ABLIM3: variants seen among roughly 807,000 people sequenced by gnomAD.
The protein encoded by ABLIM3 is actin binding LIM protein family member 3, also known as actin-binding LIM protein 3.
Under a neutral mutation model 109.5 loss-of-function variants are expected in ABLIM3, and 61 were observed. The observed-to-expected ratio is 0.56, with a 90% confidence interval of 0.45 to 0.69. The LOEUF is 0.69. ABLIM3 is among the 30% of genes least tolerant of loss of function. ABLIM3 has a pLI of 0.00. For missense variants in ABLIM3, 796 were observed against 889.5 expected (o/e 0.89, Z 1.34); for synonymous variants, 300 against 324.8 (o/e 0.92, Z 0.82).
At chr5:149,258,258 T>TC in intron 23 of ABLIM3, 33 bp from the exon 24 acceptor site, 6 of 1,595,290 alleles carry the variant, frequency 3.8e-6, no homozygotes, top group Non-Finnish European at 4.3e-6. Context: ...TCTTTCTCTG[T>TC]CCCCCCACCC....
chr5:149,164,513 A>G (rs1217316937), intron 2 of ABLIM3, among the ~76,000 whole-genome samples: 11 of 152,228 alleles, frequency 7.2e-5, no homozygotes, highest in Admixed American at 7.2e-4. Flanking sequence ...GATGAACATC[A>G]TCTAGGAACT....
chr5:149,214,444 C>G (rs1033068505), intron 7 of ABLIM3, among the ~76,000 whole-genome samples: 4 of 152,242 alleles, frequency 2.6e-5, no homozygotes, highest in Non-Finnish European at 5.9e-5. Flanking sequence ...AGCAAGCATT[C>G]TGGGACTGAC....
chr5:149,209,079 T>A (rs1759292727), intron 6 of ABLIM3, among the ~76,000 whole-genome samples: 2 of 152,096 alleles, frequency 1.3e-5, no homozygotes, highest in Non-Finnish European at 2.9e-5. Context: ...TGAGGTCACA[T>A]CACCGAGAGC....
intron 5 of ABLIM3, among the ~76,000 whole-genome samples, chr5:149,204,969 C>T (rs1275237522): frequency 6.6e-6 from 1 of 152,120 alleles, no homozygotes; most frequent in Non-Finnish European, 1.5e-5. Flanking sequence ...AAGGATACAG[C>T]TATGCAATAA....
In ABLIM3 at chr5:149,247,763, G is replaced by A. The variant is rs767438621; in HGVS notation, c.1552-19G>A. The A allele has an allele frequency of 4.3e-6, 7 of 1,614,048 alleles. No homozygotes were observed. In the Admixed American group the frequency reaches 1.2e-4, roughly 27 times the overall value. ...TTTGTTTTCCTTCTAACTTTATCTT[G>A]CTCTTCCCCGACCCTCAGCTCCAAA... On this transcript the variant is annotated intron_variant, in intron 17 of 23. Coordinates refer to ENST00000309868, the MANE Select transcript of ABLIM3 (RefSeq NM_014945.5).
chr5:149,165,333 A>G (rs896069304), intron 2 of ABLIM3, among the ~76,000 whole-genome samples: 1 of 152,198 alleles, frequency 6.6e-6, no homozygotes, highest in African/African-American at 2.4e-5. Context: ...CTGTCTTTGT[A>G]TATAAATTTT....
chr5:149,154,262 T>A (rs1753688504), intron 2 of ABLIM3, among the ~76,000 whole-genome samples: 1 of 152,230 alleles, frequency 6.6e-6, no homozygotes, highest in Non-Finnish European at 1.5e-5. Flanking sequence ...GGTGATAGTC[T>A]AAAGCAACCA....
Position 149,159,509 on chromosome 5 carries a change from C to G in ABLIM3, c.13+17401C>G, listed in dbSNP as rs1443413179. 2.0e-5 allele frequency among the ~76,000 whole-genome samples: 3 copies of G among 152,130 alleles called. No individual in the cohort carries two copies. In the East Asian group the frequency reaches 5.8e-4, roughly 29 times the overall value. Reference sequence around the variant, plus strand: ...TAAAATCTATATGTTTCATTAATTGCAAATCATGCCCAATTTAAACATATA... The same window carrying G: ...TAAAATCTATATGTTTCATTAATTGGAAATCATGCCCAATTTAAACATATA... On this transcript the variant is annotated intron_variant, in intron 2 of 23. Transcript: ENST00000309868.
At chr5:149,160,547 C>G (rs1754262206) in intron 2 of ABLIM3, among the ~76,000 whole-genome samples, 1 of 151,882 alleles carries the variant, frequency 6.6e-6, no homozygotes, top group South Asian at 2.1e-4. Flanking sequence ...GGTTTATAAA[C>G]TTTGTAACCT....
intron 6 of ABLIM3, 98 bp from the exon 7 acceptor site, chr5:149,210,628 C>A: frequency 1.0e-6 from 1 of 987,736 alleles, no homozygotes; most frequent in Non-Finnish European, 1.6e-6. Context: ...CGAACTTTGG[C>A]TCAGTCAACA....
chr5:149,162,597 C>T (rs73798006), intron 2 of ABLIM3, among the ~76,000 whole-genome samples: 143 of 152,296 alleles, frequency 9.4e-4, no homozygotes, highest in African/African-American at 3.2e-3. Flanking sequence ...GCAGGTGACT[C>T]ATTTTGGCCG....
intron 2 of ABLIM3, among the ~76,000 whole-genome samples, chr5:149,179,909 A>G (rs184326293): frequency 1.3e-5 from 2 of 152,352 alleles, no homozygotes; most frequent in East Asian, 3.9e-4. Context: ...TCATCTCAGA[A>G]CGTTCTAGTG....
intron 5 of ABLIM3, among the ~76,000 whole-genome samples, chr5:149,202,878 C>G (rs1758614615): frequency 6.6e-6 from 1 of 151,996 alleles, no homozygotes; most frequent in Admixed American, 6.6e-5. Flanking sequence ...CAATAATCAT[C>G]ATCATTGCAA....
intron 2 of ABLIM3, among the ~76,000 whole-genome samples, chr5:149,176,170 A>G: frequency 6.6e-6 from 1 of 152,140 alleles, no homozygotes. Context: ...CCCAGCACAC[A>G]CACCTGTCAG....
rs368544113 is a variant in ABLIM3 at position 149,227,412 on chromosome 5, C to T, written c.758-3237C>T. Among the ~76,000 whole-genome samples, 3 of 152,122 alleles carry T rather than the reference C, an allele frequency of 2.0e-5. No homozygotes were observed. The East Asian group carries it at 5.8e-4, about 29-fold the overall frequency. On this transcript the variant is annotated intron_variant, in intron 8 of 23. Coordinates refer to ENST00000309868, the MANE Select transcript of ABLIM3 (RefSeq NM_014945.5). ...GGACAGGAGGAAGTGACTCATGGAA[C>T]CAGGAGTTGAACAAGCAGAAAATGT...
intron 5 of ABLIM3, among the ~76,000 whole-genome samples, chr5:149,206,769 C>T (rs2127508641): frequency 6.6e-6 from 1 of 152,170 alleles, no homozygotes; most frequent in East Asian, 1.9e-4. Context: ...ACAATGTGGT[C>T]TTGATGACAA....
intron 2 of ABLIM3, among the ~76,000 whole-genome samples, chr5:149,159,573 C>T: frequency 6.6e-6 from 1 of 152,050 alleles, no homozygotes; most frequent in African/African-American, 2.4e-5. Flanking sequence ...GTGTATATAC[C>T]TATTCCCTTA....
At chr5:149,252,065 A>G (rs1012316441) in intron 21 of ABLIM3, 136 bp from the exon 22 acceptor site, 6 of 932,224 alleles carry the variant, frequency 6.4e-6, no homozygotes, top group African/African-American at 3.4e-5. Context: ...CAGCAAGGAC[A>G]AGGTCTCTGA....
In ABLIM3 at chr5:149,239,963, G is replaced by A. The variant is rs1361278150; in HGVS notation, c.1204+75G>A. On this transcript the variant is annotated intron_variant, in intron 13 of 23. Coordinates refer to ENST00000309868, the MANE Select transcript of ABLIM3 (RefSeq NM_014945.5). ...GCAGTCACTTGGGGTCCCTGCTGCAGAGGGCACAAGGCTCCCCCATGATCT... is the reference window on the plus strand; with the variant it reads ...GCAGTCACTTGGGGTCCCTGCTGCAAAGGGCACAAGGCTCCCCCATGATCT... The A allele has an allele frequency of 2.6e-5, 39 of 1,499,046 alleles. 1 individual carries two copies. Among genetic ancestry groups the A allele is most frequent in the Middle Eastern group, 3.8e-4 (2 of 5,228 alleles). The allele number at this position is 1,499,046 out of a possible 1,614,324, so 92.9% of individuals were successfully genotyped here.
Sources: gnomAD v4.1 joint callset for allele counts (sites outside exome capture counted in the v4.1 genomes callset) on GRCh38, gnomAD v4.1.1 for gene constraint, MANE v1.5 for transcripts, NCBI Gene and HGNC (gene_info 2026-07-23, HGNC 2026-07-21) for gene names.